MFSD8: variants seen among roughly 807,000 people sequenced by gnomAD.
The protein encoded by MFSD8 is major facilitator superfamily domain containing 8.
Under a neutral mutation model 66.4 loss-of-function variants are expected in MFSD8, and 55 were observed. The ratio of observed to expected loss-of-function variants is 0.83; its 90% confidence interval spans 0.67 to 1.04. MFSD8 has a LOEUF of 1.04. Among genes scored for constraint, MFSD8 ranks in the 50% least tolerant of loss-of-function variants. MFSD8 has a pLI of 0.00. For synonymous variants in MFSD8, 202 were observed against 212.8 expected, an observed-to-expected ratio of 0.95 and a Z score of 0.44; for missense variants, 550 against 627.6, an observed-to-expected ratio of 0.88 and a Z score of 1.32.
At chr4:127,943,589 A>G (rs886391671) in intron 4 of MFSD8, 163 bp downstream of exon 4, 1 of 790,336 alleles carries the variant, frequency 1.3e-6, no homozygotes, top group Non-Finnish European at 2.0e-6. Flanking sequence ...GAACATCATG[A>G]GCAAAGGCAA....
At chr4:127,941,027 G>T (rs953961095) in intron 5 of MFSD8, among the ~76,000 whole-genome samples, 1 of 151,950 alleles carries the variant, frequency 6.6e-6, no homozygotes, top group African/African-American at 2.4e-5. Context: ...CTTTTAAGGT[G>T]GTAAAAAATA....
intron 1 of MFSD8, among the ~76,000 whole-genome samples, chr4:127,958,971 A>G (rs932694629): frequency 2.6e-5 from 4 of 152,242 alleles, no homozygotes; most frequent in African/African-American, 9.6e-5. Flanking sequence ...TAAGGAGAGG[A>G]TAGTCAAAGG....
intron 1 of MFSD8, among the ~76,000 whole-genome samples, chr4:127,959,426 T>C (rs1463490588): frequency 1.3e-5 from 2 of 152,174 alleles, no homozygotes; most frequent in African/African-American, 4.8e-5. Context: ...ATAAGGTATA[T>C]TTTTGGAACA....
intron 2 of MFSD8, among the ~76,000 whole-genome samples, chr4:127,955,496 C>A (rs1742693742): frequency 6.9e-6 from 1 of 144,840 alleles, no homozygotes; most frequent in South Asian, 2.2e-4. Context: ...GCCAAGATCA[C>A]ACCACTGCAC....
intron 1 of MFSD8, among the ~76,000 whole-genome samples, chr4:127,964,502 G>C (rs1470595577): frequency 6.6e-6 from 1 of 152,204 alleles, no homozygotes; most frequent in Non-Finnish European, 1.5e-5. Flanking sequence ...TCATTGCCCG[G>C]GGCCGGCAGG....
At chr4:127,926,024 G>T (rs952910146) in intron 9 of MFSD8, among the ~76,000 whole-genome samples, 67 of 152,016 alleles carry the variant, frequency 4.4e-4, no homozygotes, top group African/African-American at 1.6e-3. Context: ...TCATAAGTGG[G>T]AGTTGAACAA....
chr4:127,925,139 C>T lies in MFSD8; in HGVS notation c.999-3176G>A, dbSNP rs924354554. Reference sequence around the variant, plus strand: ...CATAGGACCTAAAACCATAAAAACCCTAGAAGAAAACCTAGGCATTACCAT... The same window carrying T: ...CATAGGACCTAAAACCATAAAAACCTTAGAAGAAAACCTAGGCATTACCAT... On this transcript the variant is annotated intron_variant, in intron 9 of 11. Transcript: ENST00000641686. Among the ~76,000 whole-genome samples the T allele has an allele frequency of 5.3e-5, 8 of 152,128 alleles. No homozygotes were observed. In the East Asian group the frequency reaches 5.8e-4, roughly 11 times the overall value.
At chr4:127,926,752 T>C (rs1443315434) in intron 9 of MFSD8, among the ~76,000 whole-genome samples, 1 of 152,218 alleles carries the variant, frequency 6.6e-6, no homozygotes, top group Non-Finnish European at 1.5e-5. Context: ...TTAACATTTG[T>C]TGATTAATTT....
chr4:127,941,405 T>C (rs768683496), intron 5 of MFSD8, among the ~76,000 whole-genome samples: 3 of 152,196 alleles, frequency 2.0e-5, no homozygotes, highest in Non-Finnish European at 2.9e-5. Flanking sequence ...ATTCTAGGCA[T>C]GAAAATGACT....
chr4:127,943,546 T>C (rs1175297522), intron 4 of MFSD8: 1 of 560,736 alleles, frequency 1.8e-6, no homozygotes, highest in Non-Finnish European at 3.1e-6. Context: ...GGATGAAGAA[T>C]GATGAGAACA....
At chr4:127,953,348 C>T (rs1440462722) in intron 2 of MFSD8, among the ~76,000 whole-genome samples, 1 of 151,296 alleles carries the variant, frequency 6.6e-6, no homozygotes, top group Non-Finnish European at 1.5e-5. Flanking sequence ...ATTAGCTGGG[C>T]ATGGTGCCGC....
intron 2 of MFSD8, among the ~76,000 whole-genome samples, chr4:127,953,442 C>G (rs551394262): frequency 6.9e-6 from 1 of 145,640 alleles, no homozygotes; most frequent in Admixed American, 7.1e-5. Flanking sequence ...GAGCCAAGAT[C>G]GTGCCACTGC....
At chr4:127,929,164 A>C (rs973402451) in intron 9 of MFSD8, among the ~76,000 whole-genome samples, 4 of 147,744 alleles carry the variant, frequency 2.7e-5, no homozygotes, top group Non-Finnish European at 6.0e-5. Flanking sequence ...ACTAAAAATA[A>C]AAAAAAAAAT....
chr4:127,933,967 C>T (rs1489816892), intron 7 of MFSD8, among the ~76,000 whole-genome samples: 1 of 152,056 alleles, frequency 6.6e-6, no homozygotes, highest in Non-Finnish European at 1.5e-5. Flanking sequence ...ATGTGGTTTA[C>T]ATGTGGATTA....
chr4:127,922,183 T>C (rs188163581), intron 9 of MFSD8, among the ~76,000 whole-genome samples: 113 of 152,274 alleles, frequency 7.4e-4, no homozygotes, highest in African/African-American at 2.5e-3. Context: ...GCTCAGATCT[T>C]TCACAGCAAA....
chr4:127,946,268 A>G (rs770385515), intron 3 of MFSD8, among the ~76,000 whole-genome samples: 2 of 152,158 alleles, frequency 1.3e-5, no homozygotes, highest in African/African-American at 2.4e-5. Context: ...ATATCTGGAG[A>G]AAAGAGAGTA....
intron 2 of MFSD8, among the ~76,000 whole-genome samples, chr4:127,956,733 G>A (rs1164165879): frequency 6.7e-6 from 1 of 148,862 alleles, no homozygotes; most frequent in Non-Finnish European, 1.5e-5. Context: ...CAGGCGAATC[G>A]CTTGAATCTG....
chr4:127,965,188 C>G (rs568845783), upstream of MFSD8: 152 of 1,606,462 alleles, frequency 9.5e-5, no homozygotes, highest in African/African-American at 1.7e-3. Context: ...CCTGCTTTCT[C>G]CCATCCCGGG....
chr4:127,955,483 T>C (rs1742691292), intron 2 of MFSD8, among the ~76,000 whole-genome samples: 1 of 144,806 alleles, frequency 6.9e-6, no homozygotes, highest in Non-Finnish European at 1.5e-5. Context: ...GAGGTTTCAG[T>C]GAGCCAAGAT....
Sources: allele counts gnomAD v4.1 joint callset (sites outside exome capture counted in the v4.1 genomes callset), GRCh38; gene constraint gnomAD v4.1.1; transcripts MANE v1.5; gene names NCBI Gene and HGNC (gene_info 2026-07-23, HGNC 2026-07-21).